Variants in WDR27 observed in about 807,000 individuals in gnomAD.
WDR27 encodes WD repeat domain 27.
In WDR27, 100 loss-of-function variants were observed where a neutral mutation model predicts 114.4. That is an observed-to-expected ratio of 0.87 (90% CI 0.74 to 1.03). The LOEUF is 1.03. WDR27 is among the 50% of genes least tolerant of loss of function. The pLI, the probability that WDR27 is intolerant of heterozygous loss-of-function variation, is 0.00. For missense variants in WDR27, 1,129 were observed against 1,092.9 expected (o/e 1.03, Z -0.47); for synonymous variants, 449 against 423.1 (o/e 1.06, Z -0.75).
At chr6:169,617,833 A>ATTCGCGTTTACAAGCTTCCAACTTGTTT in intron 21 of WDR27, among the ~76,000 whole-genome samples, 1 of 152,324 alleles carries the variant, frequency 6.6e-6, no homozygotes, top group African/African-American at 2.4e-5. Flanking sequence ...CACAACTGCC[A>ATTCGCGTTTACAAGCTTCCAACTTGTTT]GTATTCGCGT....
intron 21 of WDR27, among the ~76,000 whole-genome samples, chr6:169,628,379 G>A (rs957902061): frequency 6.6e-6 from 1 of 152,140 alleles, no homozygotes; most frequent in African/African-American, 2.4e-5. Flanking sequence ...CACATTTGGA[G>A]CCTCATGCGC....
At chr6:169,580,033 T>C (rs949397590) in intron 24 of WDR27, among the ~76,000 whole-genome samples, 1 of 152,208 alleles carries the variant, frequency 6.6e-6, no homozygotes, top group Non-Finnish European at 1.5e-5. Context: ...CACTCCCCGA[T>C]TTTCACAGCT....
chr6:169,462,853 T>C (rs1785086337), intron 25 of WDR27, among the ~76,000 whole-genome samples: 3 of 152,284 alleles, frequency 2.0e-5, no homozygotes, highest in Non-Finnish European at 4.4e-5. Flanking sequence ...AAATTAATGA[T>C]ACAAAACCCA....
intron 25 of WDR27, among the ~76,000 whole-genome samples, chr6:169,539,637 C>T (rs534985056): frequency 6.6e-6 from 1 of 152,282 alleles, no homozygotes; most frequent in Non-Finnish European, 1.5e-5. Context: ...CAAGCCTGTT[C>T]CAAGGAGGCA....
At chr6:169,602,791 A>G (rs1327968262) in intron 22 of WDR27, among the ~76,000 whole-genome samples, 2 of 152,168 alleles carry the variant, frequency 1.3e-5, no homozygotes, top group Non-Finnish European at 2.9e-5. Context: ...ATTTCTTGTT[A>G]ATCATGTCCT....
chr6:169,548,363 TAATAAACAATAATTTA>T (rs1797715254), intron 25 of WDR27, among the ~76,000 whole-genome samples: 1 of 152,294 alleles, frequency 6.6e-6, no homozygotes, highest in South Asian at 2.1e-4. Context: ...AAAAAAACTA[TAATAAACAATAATTTA>T]TTGTATTTTT....
chr6:169,659,026 A>C lies in WDR27; in HGVS notation c.1319+60T>G. The stretch of plus-strand genomic sequence containing the variant: ...TCTAATCTTTATTTCTGAACATAGA[A>C]ATCCAGATGGCACTTATTGGTGAAC... On this transcript the variant is annotated intron_variant, in intron 12 of 25. Coordinates refer to ENST00000448612, the MANE Select transcript of WDR27 (RefSeq NM_182552.5). This position sits in a 1 kb window ranked among gnomAD's most constrained non-coding sequence, Gnocchi z 4.3. 1.4e-6 allele frequency: 2 copies of C among 1,476,980 alleles called. No individual in the cohort carries two copies. The highest frequency in any genetic ancestry group is 1.8e-6 in the Non-Finnish European group (2 of 1,115,992). The allele number at this position is 1,476,980 out of a possible 1,614,324, so 91.5% of individuals were successfully genotyped here. A position where few individuals can be genotyped will look rare whatever the true frequency, so the allele number is the denominator to read the frequency against.
At chr6:169,436,258 G>A in the WDR27 span, among the ~76,000 whole-genome samples, 1 of 152,120 alleles carries the variant, frequency 6.6e-6, no homozygotes, top group Non-Finnish European at 1.5e-5. Context: ...AGCAAAAATA[G>A]AGCTGTTTTC....
At chr6:169,614,962 C>T (rs1189469885) in intron 21 of WDR27, among the ~76,000 whole-genome samples, 1 of 151,818 alleles carries the variant, frequency 6.6e-6, no homozygotes, top group East Asian at 1.9e-4. Context: ...CTGAACAGAA[C>T]AGAAATACTA....
chr6:169,487,671 T>C (rs1303006871), intron 25 of WDR27, among the ~76,000 whole-genome samples: 1 of 152,232 alleles, frequency 6.6e-6, no homozygotes, highest in Non-Finnish European at 1.5e-5. Context: ...ATAAGACTTT[T>C]TAAAAATATG....
chr6:169,612,428 A>AAAACAAAC (rs1365559997), intron 22 of WDR27, among the ~76,000 whole-genome samples: 23 of 151,538 alleles, frequency 1.5e-4, no homozygotes, highest in African/African-American at 5.6e-4. Context: ...ACTCCGTCTC[A>AAAACAAAC]AAACAAACAA....
the WDR27 span, among the ~76,000 whole-genome samples, chr6:169,430,302 G>C: frequency 2.0e-5 from 3 of 152,222 alleles, no homozygotes; most frequent in African/African-American, 7.2e-5. Flanking sequence ...CCTTTGAACA[G>C]GCCCCACAGT....
intron 25 of WDR27, among the ~76,000 whole-genome samples, chr6:169,488,423 C>T (rs1479699149): frequency 6.6e-6 from 1 of 152,138 alleles, no homozygotes; most frequent in Non-Finnish European, 1.5e-5. Context: ...AATGTTGCCT[C>T]AAGTAGAATT....
intron 21 of WDR27, among the ~76,000 whole-genome samples, chr6:169,623,291 G>C (rs1156794492): frequency 6.6e-6 from 1 of 152,134 alleles, no homozygotes; most frequent in Non-Finnish European, 1.5e-5. Flanking sequence ...GTGATTCACT[G>C]ACTCCACCCA....
At chr6:169,657,407 G>A (rs1824524509) in intron 13 of WDR27, among the ~76,000 whole-genome samples, 1 of 152,218 alleles carries the variant, frequency 6.6e-6, no homozygotes, top group Non-Finnish European at 1.5e-5. Flanking sequence ...CCCTAGCCCA[G>A]CCTAGCCGAG....
intron 25 of WDR27, among the ~76,000 whole-genome samples, chr6:169,469,566 C>A (rs1284370121): frequency 6.6e-6 from 1 of 152,192 alleles, no homozygotes; most frequent in Admixed American, 6.5e-5. Flanking sequence ...ACAAGCTGTA[C>A]CCTGTGAAAC....
intron 19 of WDR27, among the ~76,000 whole-genome samples, chr6:169,635,379 G>A (rs777280518): frequency 2.6e-5 from 4 of 152,280 alleles, no homozygotes; most frequent in Non-Finnish European, 4.4e-5. Context: ...GTGAGACTCC[G>A]TCTCAAAAAC....
intron 2 of WDR27, among the ~76,000 whole-genome samples, chr6:169,680,308 C>T (rs187484221): frequency 1.1e-3 from 163 of 152,268 alleles, no homozygotes; most frequent in African/African-American, 3.5e-3. Flanking sequence ...AAAGGCCAGG[C>T]GCAGTGGCTC....
At position 169,665,477 on chromosome 6, in the gene WDR27, CTG is replaced by C. The variant is rs745744495; in HGVS notation, c.783+7_783+8del. 2.1e-4 allele frequency: 338 copies of C among 1,611,458 alleles called. 1 individual carries two copies. The highest frequency in any genetic ancestry group is 2.6e-4 in the Non-Finnish European group (307 of 1,178,810). On this transcript the variant is annotated splice_region_variant and intron_variant, in intron 7 of 25. Transcript: ENST00000448612. The stretch of plus-strand genomic sequence containing the variant: ...TGGGAACTGGAACTTAACTCTGTGG[CTG>C]TCTCACCTGGCCGTCAGCACACCCG...
Sources: gnomAD v4.1 joint callset for allele counts (sites outside exome capture counted in the v4.1 genomes callset) on GRCh38, gnomAD v4.1.1 for gene constraint, Gnocchi (gnomAD v3.1) non-coding constraint, MANE v1.5 for transcripts, NCBI Gene and HGNC (gene_info 2026-07-23, HGNC 2026-07-21) for gene names.